AMN1: variants seen among roughly 807,000 people sequenced by gnomAD.
AMN1 encodes the protein antagonist of mitotic exit network 1 homolog, also known as protein AMN1 homolog.
A neutral mutation model predicts 33.0 loss-of-function variants in AMN1; 20 were observed. The observed-to-expected ratio is 0.61, with a 90% CI of 0.43 to 0.88. The LOEUF (loss-of-function observed/expected upper bound fraction) is 0.88, where lower values mean the gene tolerates loss of function less well. Ranked by LOEUF, AMN1 falls within the 40% of genes least tolerant of loss-of-function variation. The pLI is 0.00. For missense variants in AMN1, 246 were observed against 307.4 expected, an observed-to-expected ratio of 0.80 and a Z score of 1.49; for synonymous variants, 114 against 111.9, an observed-to-expected ratio of 1.02 and a Z score of -0.12.
chr12:31,696,199 T>C (rs1253615805), intron 5 of AMN1, among the ~76,000 whole-genome samples: 1 of 151,622 alleles, frequency 6.6e-6, no homozygotes. Flanking sequence ...ATCACACCAC[T>C]GCACTCCAGC....
intron 5 of AMN1, among the ~76,000 whole-genome samples, chr12:31,694,234 G>T (rs117540930): frequency 0.02 from 3,005 of 151,822 alleles, 44 homozygotes; most frequent in Middle Eastern, 0.048. Context: ...CTGAAATCAG[G>T]TGTTTGAGAC....
chr12:31,672,042 C>A lies in AMN1; in HGVS notation c.*262G>T. On this transcript the variant is annotated 3_prime_UTR_variant, in exon 7 of 7. Coordinates refer to ENST00000281471, the MANE Select transcript of AMN1 (RefSeq NM_001113402.2). ...AGAAACAGAATCCAACACCATAGATCAGAGTTCATGCTAGGATTATCATTT... is the reference window on the plus strand; with the variant it reads ...AGAAACAGAATCCAACACCATAGATAAGAGTTCATGCTAGGATTATCATTT... 2.9e-6 allele frequency: 1 copy of A among 339,644 alleles called. No homozygotes were observed. The allele number at this position is 339,644 out of a possible 1,614,324, so 21.0% of individuals were successfully genotyped here.
chr12:31,702,124 A>G, intron 2 of AMN1, 117 bp from the exon 3 acceptor site: 1 of 882,376 alleles, frequency 1.1e-6, no homozygotes, highest in Non-Finnish European at 1.7e-6. Flanking sequence ...AATACAGCAA[A>G]GAATACAGAA....
At chr12:31,724,919 G>A (rs1231585283) in intron 1 of AMN1, among the ~76,000 whole-genome samples, 2 of 152,208 alleles carry the variant, frequency 1.3e-5, no homozygotes, top group East Asian at 3.8e-4. Context: ...CAGAAACCCT[G>A]CTGGTCAAAC....
At position 31,692,328 on chromosome 12, in the gene AMN1, G is replaced by C. The variant is rs187659852; in HGVS notation, c.592-3210C>G. The stretch of plus-strand genomic sequence containing the variant: ...AAAAATTAGCTGGGCGTGGTGGTGT[G>C]CACCTGTAGTCCCAGCTACTTGGGA... On this transcript the variant is annotated intron_variant, in intron 5 of 6. Transcript: ENST00000281471. Among the ~76,000 whole-genome samples the C allele has an allele frequency of 3.0e-3, 458 of 151,736 alleles. 5 individuals are homozygous for C. The highest frequency in any genetic ancestry group is 0.01 in the African/African-American group (429 of 41,382).
intron 5 of AMN1, 143 bp downstream of exon 5, chr12:31,697,218 G>T: frequency 1.8e-6 from 1 of 542,646 alleles, no homozygotes; most frequent in Non-Finnish European, 3.1e-6. Context: ...ATTTACTCTG[G>T]CAATAAAGAG....
intron 6 of AMN1, among the ~76,000 whole-genome samples, chr12:31,684,706 T>C (rs899913247): frequency 2.4e-4 from 37 of 152,262 alleles, no homozygotes; most frequent in African/African-American, 8.2e-4. Flanking sequence ...CTCCTGACCT[T>C]GTGATCCACC....
intron 2 of AMN1, among the ~76,000 whole-genome samples, chr12:31,702,243 T>G (rs184753033): frequency 5.6e-4 from 86 of 152,320 alleles, no homozygotes; most frequent in African/African-American, 2.0e-3. Context: ...CACAAAGCAC[T>G]GTTGAGATGG....
intron 2 of AMN1, among the ~76,000 whole-genome samples, chr12:31,705,408 G>A (rs1020069279): frequency 6.6e-6 from 1 of 152,060 alleles, no homozygotes; most frequent in Non-Finnish European, 1.5e-5. Context: ...TGAGGTGGGA[G>A]GATCACCTGA....
At chr12:31,714,300 A>G (rs1016994813) in intron 1 of AMN1, 6 of 152,136 alleles carry the variant, frequency 3.9e-5, no homozygotes, top group African/African-American at 1.4e-4. Flanking sequence ...TAGAAACACC[A>G]TTTGTGCCTT....
chr12:31,692,565 T>C (rs1938549464), intron 5 of AMN1, among the ~76,000 whole-genome samples: 1 of 151,944 alleles, frequency 6.6e-6, no homozygotes, highest in African/African-American at 2.4e-5. Flanking sequence ...ATAACTTTTA[T>C]GGAAAACAAT....
intron 6 of AMN1, among the ~76,000 whole-genome samples, chr12:31,674,407 C>CAA (rs761603678): frequency 8.4e-5 from 11 of 131,548 alleles, no homozygotes; most frequent in East Asian, 2.2e-4. Flanking sequence ...GACTCCATCT[C>CAA]AAAAAAAAAA....
At chr12:31,677,070 G>A (rs1205006415) in intron 6 of AMN1, among the ~76,000 whole-genome samples, 1 of 150,544 alleles carries the variant, frequency 6.6e-6, no homozygotes, top group African/African-American at 2.5e-5. Flanking sequence ...AGGACGAGAC[G>A]GGCGGATCAC....
At chr12:31,704,161 G>T (rs933140952) in intron 2 of AMN1, among the ~76,000 whole-genome samples, 1 of 151,932 alleles carries the variant, frequency 6.6e-6, no homozygotes, top group African/African-American at 2.4e-5. Flanking sequence ...CGTCTAAAAG[G>T]TTTTTTTAAA....
chr12:31,706,994 AAAGAT>A (rs1169297977), intron 2 of AMN1, among the ~76,000 whole-genome samples: 1 of 45,316 alleles, frequency 2.2e-5, no homozygotes, highest in Non-Finnish European at 6.4e-5. Flanking sequence ...AGAAATAAGA[AAAGAT>A]TAATAAGATA....
chr12:31,690,430 A>AT (rs995482322), intron 5 of AMN1, among the ~76,000 whole-genome samples: 3 of 151,650 alleles, frequency 2.0e-5, no homozygotes, highest in East Asian at 1.9e-4. Context: ...TTATTTTTTT[A>AT]TTTTTTTTAT....
intron 1 of AMN1, among the ~76,000 whole-genome samples, chr12:31,724,545 T>A (rs573066969): frequency 3.3e-5 from 5 of 152,228 alleles, no homozygotes; most frequent in South Asian, 4.1e-4. Context: ...ATATATATAT[T>A]TTTTTACCAT....
At chr12:31,675,733 A>G (rs1951375060) in intron 6 of AMN1, among the ~76,000 whole-genome samples, 1 of 151,680 alleles carries the variant, frequency 6.6e-6, no homozygotes, top group South Asian at 2.1e-4. Flanking sequence ...TGACCTCAGC[A>G]GTTTGAGACC....
intron 5 of AMN1, among the ~76,000 whole-genome samples, chr12:31,693,324 A>T (rs1215659521): frequency 1.3e-5 from 2 of 150,146 alleles, no homozygotes; most frequent in East Asian, 3.9e-4. Flanking sequence ...TGCATCCTCC[A>T]CCTCCCAGGT....
Sources: gnomAD v4.1 joint callset for allele counts (sites outside exome capture counted in the v4.1 genomes callset) on GRCh38, gnomAD v4.1.1 for gene constraint, MANE v1.5 for transcripts, NCBI Gene and HGNC (gene_info 2026-07-23, HGNC 2026-07-21) for gene names.